KMT2B: variants seen among roughly 807,000 people sequenced by gnomAD.
The protein encoded by KMT2B is lysine methyltransferase 2B, also known as histone-lysine N-methyltransferase 2B.
In KMT2B, 22 loss-of-function variants were observed where a neutral mutation model predicts 255.3. The observed-to-expected ratio is 0.09, with a 90% CI of 0.06 to 0.12. The LOEUF (loss-of-function observed/expected upper bound fraction) is 0.12. Ranked by LOEUF, KMT2B falls within the 10% of genes least tolerant of loss-of-function variation. The probability of loss-of-function intolerance (pLI) is 1.00; values close to 1 mark genes in which losing one functional copy is unlikely to be tolerated. For missense variants in KMT2B, 3,149 were observed against 3,737.0 expected (o/e 0.84, Z 4.10); for synonymous variants, 1,730 against 1,498.1 (o/e 1.15, Z -3.57).
chr19:35,732,744 C>T lies in KMT2B; in HGVS notation c.6195C>T (p.Asp2065=), dbSNP rs185724346. 8.9e-5 allele frequency: 144 copies of T among 1,610,448 alleles called. 2 individuals carry two copies. The highest frequency in any genetic ancestry group is 4.7e-4 in the East Asian group (21 of 44,746). ...GCATTGAACAGCTGGACGGCGTGGA[C>T]GACGGCACTGACAGTGAGGCTGAGG... The part of the protein sequence containing the change: ...APRIEQLDGV[D]DGTDSEAEAV... Residue 2065 remains aspartate (D), a synonymous_variant, in exon 28 of 37, where the codon GAC becomes GAT. Coordinates refer to ENST00000420124, the MANE Select transcript of KMT2B (RefSeq NM_014727.3).
chr19:35,723,999 G>A lies in KMT2B; in HGVS notation c.3326G>A (p.Arg1109Gln), dbSNP rs768950486. 10 of 1,587,466 alleles carry A rather than the reference G, an allele frequency of 6.3e-6. No individual in the cohort carries two copies. The highest frequency in any genetic ancestry group is 1.4e-5 in the African/African-American group (1 of 73,516). ...CCTGCTCCTCGGCGTCGGACCCCCC[G>A]AGAAAATGGTGCGAACTGCTTAATG... ...GPPAPRRRTP[R>Q]ENELPLPEPE... Residue 1109 changes from arginine to glutamine, a missense_variant, in exon 8 of 37, where the codon CGA becomes CAA. By Grantham distance (43) the Arg-to-Gln change is conservative (BLOSUM62 1). Around this residue, in one of 18 missense-constraint regions of KMT2B, gnomAD observed 136 missense variants for 137.3 expected, o/e 0.99. Coordinates refer to ENST00000420124, the MANE Select transcript of KMT2B (RefSeq NM_014727.3). This position sits in a 1 kb window ranked among gnomAD's most constrained non-coding sequence, Gnocchi z 7.5.
Position 35,733,938 on chromosome 19 carries a change from C to G in KMT2B, c.7159+66C>G. The G allele has an allele frequency of 1.8e-6, 2 of 1,139,914 alleles. No homozygotes were observed. The highest frequency in any genetic ancestry group is 2.6e-6 in the Non-Finnish European group (2 of 768,568). 70.6% of individuals were successfully genotyped at this position (1,139,914 alleles called of 1,614,324 possible). The stretch of plus-strand genomic sequence containing the variant: ...GGCTCAGCTGGGTGACTCACAGATG[C>G]AAAATCAGCCCTCTTTCAAAACCAG... On this transcript the variant is annotated intron_variant, in intron 30 of 36. Coordinates refer to ENST00000420124, the MANE Select transcript of KMT2B (RefSeq NM_014727.3). This position sits in a 1 kb window ranked among gnomAD's most constrained non-coding sequence, Gnocchi z 4.3.
Position 35,730,695 on chromosome 19 carries a change from C to G in KMT2B, c.5277-12C>G. 1 of 1,613,924 alleles carries G rather than the reference C, an allele frequency of 6.2e-7. No homozygotes were observed. Among genetic ancestry groups the G allele is most frequent in the Non-Finnish European group, 8.5e-7 (1 of 1,179,886 alleles). ...TTCCCAAGCATCCTAACCGTCTTAT[C>G]CCACATGCCAGGTGCTCCCGTCTGT... On this transcript the variant is annotated splice_polypyrimidine_tract_variant and intron_variant, in intron 25 of 36. Transcript: ENST00000420124.
rs772818778 is a variant in KMT2B, at chr19:35,732,962, C to A, written c.6413C>A (p.Pro2138Gln). ...GAGPREESLP[P>Q]APPLANGSQP... ...GGCCCTAGAGAGGAGTCACTCCCCC[C>A]GGCGCCTCCCCTGGCTAATGGCAGC... Residue 2138 changes from proline (P) to glutamine (Q), a missense_variant, in exon 28 of 37, where the codon CCG becomes CAG. Physicochemically the swap from Pro to Gln is moderately conservative, Grantham distance 76. Coordinates refer to ENST00000420124, the MANE Select transcript of KMT2B (RefSeq NM_014727.3). 8.7e-6 allele frequency: 14 copies of A among 1,604,726 alleles called. No individual in the cohort carries two copies. Among genetic ancestry groups the A allele is most frequent in the Non-Finnish European group, 1.2e-5 (14 of 1,176,354 alleles).
At chr19:35,735,149 T>C (rs1451323668) in intron 30 of KMT2B, 1 of 152,216 alleles carries the variant, frequency 6.6e-6, no homozygotes, top group Non-Finnish European at 1.5e-5. Flanking sequence ...TTGACAGAGG[T>C]GGACTCTGGG....
chr19:35,726,105 C>T (rs1197882837), intron 13 of KMT2B, 131 bp from the exon 14 acceptor site: 9 of 708,044 alleles, frequency 1.3e-5, no homozygotes, highest in Admixed American at 6.3e-5. Flanking sequence ...GTCTGTCCTG[C>T]GTGTTTTCTC....
rs1203674124 is a variant in KMT2B at position 35,732,966 on chromosome 19, G to T, written c.6417G>T (p.Ala2139=). ...AGPREESLPP[A]PPLANGSQPS... ...CTAGAGAGGAGTCACTCCCCCCGGC[G>T]CCTCCCCTGGCTAATGGCAGCCAGC... The change falls in exon 28 of 37, where the codon GCG becomes GCT. Residue 2139 remains alanine (A), a synonymous_variant. Coordinates refer to ENST00000420124, the MANE Select transcript of KMT2B (RefSeq NM_014727.3). 9 of 1,603,290 alleles carry T rather than the reference G, an allele frequency of 5.6e-6. No individual in the cohort carries two copies. Among genetic ancestry groups the T allele is most frequent in the African/African-American group, 1.3e-5 (1 of 74,570 alleles).
chr19:35,732,979 A>G lies in KMT2B; in HGVS notation c.6430A>G (p.Asn2144Asp), dbSNP rs1969771009. 6.2e-7 allele frequency: 1 copy of G among 1,602,320 alleles called. No homozygotes were observed. Among genetic ancestry groups the G allele is most frequent in the Non-Finnish European group, 8.5e-7 (1 of 1,175,240 alleles). Reference sequence around the variant, plus strand: ...ACTCCCCCCGGCGCCTCCCCTGGCTAATGGCAGCCAGCCCTCCCAAGGCCT... The same window carrying G: ...ACTCCCCCCGGCGCCTCCCCTGGCTGATGGCAGCCAGCCCTCCCAAGGCCT... The part of the protein sequence containing the change: ...ESLPPAPPLA[N>D]GSQPSQGLTA... The change falls in exon 28 of 37, where the codon AAT (asparagine) becomes GAT (aspartate). Residue 2144 changes from asparagine to aspartate, a missense_variant. Asn to Asp is a conservative substitution (Grantham distance 23, BLOSUM62 1). Transcript: ENST00000420124.
At chr19:35,724,166 G>C (rs1372652095) in intron 8 of KMT2B, among the ~76,000 whole-genome samples, 159 bp downstream of exon 8, 2 of 152,156 alleles carry the variant, frequency 1.3e-5, no homozygotes, top group East Asian at 3.9e-4. Context: ...GTACAGAACT[G>C]GCCTATGAGG....
At position 35,725,341 on chromosome 19, in the gene KMT2B, C is replaced by A. The variant is rs770358253; in HGVS notation, c.3642+8C>A. 2.6e-6 allele frequency: 4 copies of A among 1,557,988 alleles called. No homozygotes were observed. In the Admixed American group the frequency reaches 7.5e-5, roughly 29 times the overall value. ...AGCAAAGGACTCCACGAGGTTAGAT[C>A]TCTGCCTTTCTTCACAGACCCCCAG... On this transcript the variant is annotated splice_region_variant and intron_variant, in intron 11 of 36. Coordinates refer to ENST00000420124, the MANE Select transcript of KMT2B (RefSeq NM_014727.3). This position sits in a 1 kb window ranked among gnomAD's most constrained non-coding sequence, Gnocchi z 4.1.
At position 35,736,991 on chromosome 19, in the gene KMT2B, G is replaced by C. The variant is rs1251488397; in HGVS notation, c.7372+5G>C. The C allele has an allele frequency of 1.2e-6, 2 of 1,613,300 alleles. No homozygotes were observed. Among genetic ancestry groups the C allele is most frequent in the South Asian group, 1.1e-5 (1 of 90,982 alleles). The stretch of plus-strand genomic sequence containing the variant: ...TCAGACATCTCTCCTTTAGTGGTAA[G>C]GAGTGGGCCCCACAGGGGGCAGGGA... On this transcript the variant is annotated splice_donor_5th_base_variant and intron_variant, in intron 32 of 36. Coordinates refer to ENST00000420124, the MANE Select transcript of KMT2B (RefSeq NM_014727.3).
intron 21 of KMT2B, 39 bp from the exon 22 acceptor site, chr19:35,729,120 C>G (rs754308261): frequency 6.2e-7 from 1 of 1,613,978 alleles, no homozygotes; most frequent in Admixed American, 1.7e-5. Flanking sequence ...GGCCTGTTCC[C>G]TGGCCTCCCC....
intron 19 of KMT2B, 57 bp downstream of exon 19, chr19:35,728,228 T>C (rs1969547743): frequency 6.9e-7 from 1 of 1,458,636 alleles, no homozygotes. Flanking sequence ...GGCCAGGGCA[T>C]GCAGGGGCCA....
Position 35,718,273 on chromosome 19 carries a change from C to T in KMT2B, c.255C>T (p.Ala85=). The change falls in exon 1 of 37, where the codon GCC becomes GCT. Residue 85 remains alanine, a synonymous_variant. Transcript: ENST00000420124. The surrounding 1 kb of genome is among the most constrained non-coding windows in gnomAD (Gnocchi z 5.0). ...TGCGCCGGCTCCGCCGCCTGTGGGCCGGCCCGCGGGTCCAGCGGGGCCGGG... is the reference window on the plus strand; with the variant it reads ...TGCGCCGGCTCCGCCGCCTGTGGGCTGGCCCGCGGGTCCAGCGGGGCCGGG... ...RGLRRLRRLW[A]GPRVQRGRGR... is the part of the protein sequence containing the mutation. The T allele has an allele frequency of 8.2e-7, 1 of 1,219,200 alleles. No homozygotes were observed. The allele number at this position is 1,219,200 out of a possible 1,614,324, so 75.5% of individuals were successfully genotyped here.
rs936613665 is a variant in KMT2B, at chr19:35,728,283, G to T, written c.4571+112G>T. On this transcript the variant is annotated intron_variant, in intron 19 of 36. Transcript: ENST00000420124. ...GAGCAGAGGTAGGGTCTGGAGCAGA[G>T]CTGGAGAGGAGGGTGGTGGAACCCA... 4 of 939,668 alleles carry T rather than the reference G, an allele frequency of 4.3e-6. No homozygotes were observed. In the African/African-American group the frequency reaches 6.6e-5, roughly 15 times the overall value. 58.2% of individuals were successfully genotyped at this position (939,668 alleles called of 1,614,324 possible).
intron 30 of KMT2B, among the ~76,000 whole-genome samples, chr19:35,735,054 A>C (rs1485596875): frequency 2.0e-5 from 3 of 152,142 alleles, no homozygotes; most frequent in African/African-American, 7.2e-5. Context: ...GAAACCGAGC[A>C]GTGAGAGCAC....
At chr19:35,729,127 C>T in intron 21 of KMT2B, 32 bp from the exon 22 acceptor site, 3 of 1,613,972 alleles carry the variant, frequency 1.9e-6, no homozygotes, top group Non-Finnish European at 1.7e-6. Context: ...TCCCTGGCCT[C>T]CCCACATCAT....
Position 35,733,571 on chromosome 19 carries a change from C to T in KMT2B, c.6960-26C>T. On this transcript the variant is annotated intron_variant, in intron 28 of 36. Coordinates refer to ENST00000420124, the MANE Select transcript of KMT2B (RefSeq NM_014727.3). The surrounding 1 kb of genome is among the most constrained non-coding windows in gnomAD (Gnocchi z 4.3). ...GGGCAGATGGGCGGGAGATGCGGCT[C>T]ATCCTTCTCGGGCTCGCCCTCCCAG... is the stretch of plus-strand genomic sequence containing the variant. 4 of 1,559,984 alleles carry T rather than the reference C, an allele frequency of 2.6e-6. No individual in the cohort carries two copies. The highest frequency in any genetic ancestry group is 3.5e-6 in the Non-Finnish European group (4 of 1,152,094).
chr19:35,729,104 T>C lies in KMT2B; in HGVS notation c.4779+28T>C, dbSNP rs767661009. On this transcript the variant is annotated intron_variant, in intron 21 of 36. Transcript: ENST00000420124. ...GAGGGCTGCTCTGTGACGCACCAGG[T>C]TGTGGGGCCTGTTCCCTGGCCTCCC... The C allele has an allele frequency of 3.1e-6, 5 of 1,613,806 alleles. No individual in the cohort carries two copies. In the Admixed American group the frequency reaches 8.3e-5, roughly 27 times the overall value.
Sources: gnomAD v4.1 joint callset for allele counts (sites outside exome capture counted in the v4.1 genomes callset) on GRCh38, gnomAD v4.1.1 for gene constraint, gnomAD v4.1.1 regional missense constraint, Gnocchi (gnomAD v3.1) non-coding constraint, MANE v1.5 for transcripts, NCBI Gene and HGNC (gene_info 2026-07-23, HGNC 2026-07-21) for gene names.